The following RELB variants were observed in gnomAD, a reference collection of about 807,000 sequenced individuals.
The protein encoded by RELB is transcription factor RelB.
RELB carries 14 observed loss-of-function variants against 55.4 expected under a neutral mutation model. The observed-to-expected ratio is 0.25, with a 90% CI of 0.17 to 0.40. The LOEUF (loss-of-function observed/expected upper bound fraction) is 0.40, where lower values mean the gene tolerates loss of function less well. Among genes scored for constraint, RELB ranks in the 10% least tolerant of loss-of-function variants. RELB has a pLI of 1.00. For missense variants in RELB, 669 were observed against 830.7 expected, an observed-to-expected ratio of 0.81 and a Z score of 2.39; for synonymous variants, 409 against 371.3, an observed-to-expected ratio of 1.10 and a Z score of -1.17.
intron 4 of RELB, among the ~76,000 whole-genome samples, chr19:45,017,228 G>T (rs1368720795): frequency 6.6e-6 from 1 of 152,162 alleles, no homozygotes; most frequent in African/African-American, 2.4e-5. Flanking sequence ...ACTCAAAGCT[G>T]CCAAGTGGGA....
At position 45,038,075 on chromosome 19, in the gene RELB, G is replaced by A. The variant is rs566184489; in HGVS notation, c.*285G>A. 6 of 358,232 alleles carry A rather than the reference G, an allele frequency of 1.7e-5. No homozygotes were observed. The highest frequency in any genetic ancestry group is 4.2e-5 in the East Asian group (1 of 23,724). The allele number at this position is 358,232 out of a possible 1,614,324, so 22.2% of individuals were successfully genotyped here. ...GGGGGCACCTTCTCCAGTAGGATTCGGAAAAGATTGTACATATGGGAGGAG... is the reference window on the plus strand; with the variant it reads ...GGGGGCACCTTCTCCAGTAGGATTCAGAAAAGATTGTACATATGGGAGGAG... On this transcript the variant is annotated 3_prime_UTR_variant, in exon 12 of 12. Transcript: ENST00000221452.
At chr19:45,013,808 A>G (rs1167397605) in intron 4 of RELB, among the ~76,000 whole-genome samples, 3 of 152,064 alleles carry the variant, frequency 2.0e-5, no homozygotes, top group Non-Finnish European at 4.4e-5. Flanking sequence ...CTCCGGCCTG[A>G]GCGACAAGAG....
intron 2 of RELB, among the ~76,000 whole-genome samples, chr19:45,003,243 G>T (rs989105388): frequency 1.3e-5 from 2 of 151,902 alleles, no homozygotes; most frequent in South Asian, 4.2e-4. Flanking sequence ...AGGCCGAGGC[G>T]GACGGATCAC....
intron 2 of RELB, chr19:45,008,521 C>A (rs1971311104): frequency 2.2e-6 from 1 of 456,154 alleles, no homozygotes; most frequent in African/African-American, 2.0e-5. Flanking sequence ...GTTGGCCCTG[C>A]CACTGACCTA....
At chr19:45,014,434 G>T (rs980423083) in intron 4 of RELB, among the ~76,000 whole-genome samples, 1 of 151,754 alleles carries the variant, frequency 6.6e-6, no homozygotes, top group African/African-American at 2.4e-5. Flanking sequence ...GCCTCCCAAA[G>T]TGTTGGAATT....
chr19:45,008,800 T>C (rs960780643), intron 2 of RELB: 2 of 306,334 alleles, frequency 6.5e-6, no homozygotes, highest in Admixed American at 7.7e-5. Context: ...TGCCTTCCGT[T>C]GCTGTGTGAT....
intron 5 of RELB, among the ~76,000 whole-genome samples, chr19:45,022,474 T>A (rs146954563): frequency 4.8e-4 from 73 of 151,996 alleles, no homozygotes; most frequent in African/African-American, 1.7e-3. Context: ...AGATAATTGA[T>A]GACAGAGCTG....
chr19:45,007,386 A>G (rs1359428256), intron 2 of RELB, among the ~76,000 whole-genome samples: 1 of 152,216 alleles, frequency 6.6e-6, no homozygotes. Flanking sequence ...CAGAACCTGC[A>G]CTAAGTAGTT....
chr19:45,034,486 A>C lies in RELB; in HGVS notation c.1312A>C (p.Lys438Gln), dbSNP rs779538905. Reference protein sequence around the residue: ...HGIESKRRKKKPAILDHFLPN... With the variant: ...HGIESKRRKKQPAILDHFLPN... ...CATCGAGAGCAAACGGCGGAAGAAA[A>C]AGCCGGCCATCCTGGACCACTTCCT... The change falls in exon 11 of 12, where the codon AAG becomes CAG. Residue 438 changes from lysine (K) to glutamine (Q), a missense_variant. Lys to Gln is a moderately conservative substitution (Grantham distance 53). Coordinates refer to ENST00000221452, the MANE Select transcript of RELB (RefSeq NM_006509.4). The C allele has an allele frequency of 6.8e-6, 11 of 1,610,726 alleles. No individual in the cohort carries two copies. Among genetic ancestry groups the C allele is most frequent in the Non-Finnish European group, 9.3e-6 (11 of 1,178,494 alleles).
intron 2 of RELB, 37 bp from the exon 3 acceptor site, chr19:45,009,777 C>T (rs1242130732): frequency 6.3e-7 from 1 of 1,598,720 alleles, no homozygotes; most frequent in East Asian, 2.2e-5. Context: ...ACTTTCTGGA[C>T]CTTACCTTTC....
chr19:45,001,608 C>G lies in RELB; in HGVS notation c.29C>G (p.Pro10Arg), dbSNP rs1467148675. The change falls in exon 1 of 12, where the codon CCG becomes CGG. Residue 10 changes from proline to arginine, a missense_variant. Around this residue, in one of 3 missense-constraint regions of RELB, gnomAD observed 323 missense variants for 368.5 expected, o/e 0.88. Transcript: ENST00000221452. The stretch of plus-strand genomic sequence containing the variant: ...CTTCGGTCTGGGCCAGCCTCTGGGC[C>G]GTCCGTCCCCACTGGCCGGGCCATG... MLRSGPASGPSVPTGRAMPS... is the reference protein window; with the variant it reads MLRSGPASGRSVPTGRAMPS... 2.6e-6 allele frequency: 4 copies of G among 1,514,944 alleles called. No individual in the cohort carries two copies. Among genetic ancestry groups the G allele is most frequent in the Non-Finnish European group, 3.5e-6 (4 of 1,138,090 alleles). The allele number at this position is 1,514,944 out of a possible 1,614,324, so 93.8% of individuals were successfully genotyped here. A position where few individuals can be genotyped will look rare whatever the true frequency, so the allele number is the denominator to read the frequency against.
At chr19:45,025,519 C>A in intron 6 of RELB, 87 bp from the exon 7 acceptor site, 1 of 1,580,900 alleles carries the variant, frequency 6.3e-7, no homozygotes, top group Non-Finnish European at 8.6e-7. Flanking sequence ...CCACCGTCTC[C>A]TCCAGCCCCA....
chr19:45,036,631 C>T (rs1266521068), intron 11 of RELB, among the ~76,000 whole-genome samples: 1 of 152,116 alleles, frequency 6.6e-6, no homozygotes, highest in Non-Finnish European at 1.5e-5. Context: ...CCCAGTTCCA[C>T]AACAGCTGTG....
At chr19:45,034,368 C>T in intron 10 of RELB, 56 bp downstream of exon 10, 1 of 1,600,804 alleles carries the variant, frequency 6.2e-7, no homozygotes, top group East Asian at 2.2e-5. Context: ...GAGGGGACAG[C>T]TGACCCCACT....
intron 5 of RELB, among the ~76,000 whole-genome samples, chr19:45,022,479 G>A (rs1455449108): frequency 6.6e-6 from 1 of 151,928 alleles, no homozygotes; most frequent in Non-Finnish European, 1.5e-5. Context: ...ATTGATGACA[G>A]AGCTGGGATT....
intron 4 of RELB, among the ~76,000 whole-genome samples, chr19:45,017,422 C>A (rs1373541591): frequency 1.7e-5 from 2 of 116,092 alleles, no homozygotes; most frequent in Admixed American, 9.8e-5. Context: ...CACTGCACTC[C>A]AGCCTGGGCA....
Position 45,012,216 on chromosome 19 carries a change from G to C in RELB, c.444G>C (p.Ser148=), listed in dbSNP as rs1258627196. The change falls in exon 4 of 12, where the codon TCG becomes TCC. Residue 148 remains serine (S), a synonymous_variant. Coordinates refer to ENST00000221452, the MANE Select transcript of RELB (RefSeq NM_006509.4). ...MRFRYECEGR[S]AGSILGESST... ...TCCGCTACGAGTGCGAGGGCCGCTC[G>C]GCCGGCAGCATCCTTGGGGAGAGCA... is the stretch of plus-strand genomic sequence containing the variant. The C allele has an allele frequency of 4.7e-6, 7 of 1,496,810 alleles. No homozygotes were observed. Among genetic ancestry groups the C allele is most frequent in the Non-Finnish European group, 6.2e-6 (7 of 1,137,678 alleles). The allele number at this position is 1,496,810 out of a possible 1,614,324, so 92.7% of individuals were successfully genotyped here. A position where few individuals can be genotyped will look rare whatever the true frequency, so the allele number is the denominator to read the frequency against.
chr19:45,017,453 A>AAAAAAAAAAAACAAAAAAAAACAAC (rs1568400048), intron 4 of RELB, among the ~76,000 whole-genome samples: 5 of 151,102 alleles, frequency 3.3e-5, no homozygotes, highest in African/African-American at 1.2e-4. Flanking sequence ...TCTGTCTAAA[A>AAAAAAAAAAAACAAAAAAAAACAAC]AAAAAAAAAA....
At chr19:45,002,871 G>A (rs903544890) in intron 1 of RELB, 78 bp from the exon 2 acceptor site, 60 of 1,235,528 alleles carry the variant, frequency 4.9e-5, no homozygotes, top group Non-Finnish European at 6.6e-5. Context: ...AAGAGGAAGG[G>A]GTGGGGCTTC....
Sources: gnomAD v4.1 joint callset for allele counts (sites outside exome capture counted in the v4.1 genomes callset) on GRCh38, gnomAD v4.1.1 for gene constraint, gnomAD v4.1.1 regional missense constraint, MANE v1.5 for transcripts, NCBI Gene and HGNC (gene_info 2026-07-23, HGNC 2026-07-21) for gene names.